Variants in TMEM165 observed in about 807,000 individuals in gnomAD.
The protein encoded by TMEM165 is transmembrane protein 165.
TMEM165 carries 19 observed loss-of-function variants against 30.0 expected under a neutral mutation model. The ratio of observed to expected loss-of-function variants is 0.63; its 90% CI spans 0.44 to 0.93. The LOEUF is 0.93. TMEM165 is among the 40% of genes least tolerant of loss of function. The probability of loss-of-function intolerance (pLI) is 0.00; values close to 1 mark genes in which losing one functional copy is unlikely to be tolerated. For missense variants in TMEM165, 340 were observed against 417.0 expected (o/e 0.82, Z 1.61); for synonymous variants, 168 against 162.9 (o/e 1.03, Z -0.24).
At chr4:55,403,309 C>T (rs2109527380) in intron 1 of TMEM165, 18 of 1,274,536 alleles carry the variant, frequency 1.4e-5, no homozygotes, top group Non-Finnish European at 1.7e-5. Flanking sequence ...TCTCTAGTTT[C>T]ATCATGTATA....
intron 1 of TMEM165, among the ~76,000 whole-genome samples, chr4:55,402,454 T>A (rs1182824424): frequency 2.0e-5 from 2 of 99,682 alleles, no homozygotes; most frequent in African/African-American, 4.6e-5. Flanking sequence ...TTTTTTTTTT[T>A]TTTTTTTTTT....
At chr4:55,406,498 C>T (rs1721273097) in intron 1 of TMEM165, among the ~76,000 whole-genome samples, 1 of 152,172 alleles carries the variant, frequency 6.6e-6, no homozygotes, top group Non-Finnish European at 1.5e-5. Flanking sequence ...TCCACATGTA[C>T]ACATACTTAG....
chr4:55,434,284 T>TA (rs1443337096), intron 3 of TMEM165: 3 of 152,676 alleles, frequency 2.0e-5, no homozygotes, highest in East Asian at 3.9e-4. Flanking sequence ...TGAAGGATAA[T>TA]AAAAAAGATT....
rs1355875887 is a variant in TMEM165, at chr4:55,417,861, C to T, written c.668C>T (p.Thr223Ile). ...PGDVETGTSI[T>I]VPQKKWLHFI... is the part of the protein sequence containing the mutation. ...GATGTTGAAACGGGTACAAGCATAA[C>T]AGTACCTCAGAAAAAGTGGTTGCAT... The change falls in exon 4 of 6, where the codon ACA becomes ATA. Residue 223 changes from threonine to isoleucine, a missense_variant. By Grantham distance (89) the Thr-to-Ile change is moderately conservative. Coordinates refer to ENST00000381334, the MANE Select transcript of TMEM165 (RefSeq NM_018475.5). 10 of 1,614,086 alleles carry T rather than the reference C, an allele frequency of 6.2e-6. No individual in the cohort carries two copies. Among genetic ancestry groups the T allele is most frequent in the Middle Eastern group, 1.6e-4 (1 of 6,062 alleles).
At chr4:55,426,415 G>A (rs947332894), downstream of TMEM165, among the ~76,000 whole-genome samples, 6 of 152,064 alleles carry the variant, frequency 3.9e-5, no homozygotes, top group East Asian at 7.7e-4. Flanking sequence ...CACACCAGGC[G>A]GTTTAATTCC....
At chr4:55,412,112 G>C in intron 2 of TMEM165, 1 of 463,296 alleles carries the variant, frequency 2.2e-6, no homozygotes, top group Non-Finnish European at 3.9e-6. Flanking sequence ...AAGACAGTTA[G>C]GGCTGGGCAC....
chr4:55,396,527 G>A lies in TMEM165; in HGVS notation c.207+131G>A, dbSNP rs555663963. ...GGGGAGCCCGGCCCCTGCTCCCGGG[G>A]TGGAGGGCGGTCGGCTGCGCTGTTT... On this transcript the variant is annotated intron_variant, in intron 1 of 5. Coordinates refer to ENST00000381334, the MANE Select transcript of TMEM165 (RefSeq NM_018475.5). 7.0e-3 allele frequency: 5,200 copies of A among 745,954 alleles called. 22 individuals are homozygous for A. Among genetic ancestry groups the A allele is most frequent in the Middle Eastern group, 0.01 (25 of 2,402 alleles). 46.2% of individuals were successfully genotyped at this position (745,954 alleles called of 1,614,324 possible).
At chr4:55,427,176 GGC>G (rs1174614083), downstream of TMEM165, among the ~76,000 whole-genome samples, 1 of 151,704 alleles carries the variant, frequency 6.6e-6, no homozygotes. Flanking sequence ...TGGGATTACA[GGC>G]GTGCACTACC....
At chr4:55,403,550 A>G (rs1476782586) in intron 1 of TMEM165, among the ~76,000 whole-genome samples, 1 of 131,170 alleles carries the variant, frequency 7.6e-6, no homozygotes, top group Non-Finnish European at 1.6e-5. Flanking sequence ...TTAACTAGAA[A>G]AGAGTTTTTA....
chr4:55,449,023 G>T (rs1451420472), intron 3 of TMEM165, among the ~76,000 whole-genome samples: 3 of 151,954 alleles, frequency 2.0e-5, no homozygotes, highest in Admixed American at 2.0e-4. Context: ...ATCTATATTG[G>T]AAAGGCCTGT....
Position 55,425,396 on chromosome 4 carries a change from G to GT in TMEM165, c.926dup (p.Leu309PhefsTer13). On this transcript the variant is annotated frameshift_variant, in exon 6 of 6. Coordinates refer to ENST00000381334, the MANE Select transcript of TMEM165 (RefSeq NM_018475.5). LOFTEE classifies it high-confidence loss of function. The stretch of plus-strand genomic sequence containing the variant: ...TCCAGTGACAATCATAGGAGGCATC[G>GT]TTTTTTTGGCGTTTGCATTTTCTGC... The GT allele has an allele frequency of 1.9e-6, 3 of 1,612,856 alleles. No individual in the cohort carries two copies. Among genetic ancestry groups the GT allele is most frequent in the Non-Finnish European group, 2.5e-6 (3 of 1,179,176 alleles).
chr4:55,438,665 A>G, intron 3 of TMEM165: 2 of 1,353,354 alleles, frequency 1.5e-6, no homozygotes, highest in South Asian at 1.3e-5. Context: ...CAAGGTCTGT[A>G]TATTCCTACT....
rs929655157 is a variant in TMEM165 at position 55,400,997 on chromosome 4, G to T, written c.207+4601G>T. 4.0e-5 allele frequency among the ~76,000 whole-genome samples: 6 copies of T among 150,606 alleles called. 1 individual carries two copies. Among genetic ancestry groups the T allele is most frequent in the African/African-American group, 1.5e-4 (6 of 39,942 alleles). ...TACATGCAGTAGATGTTTTAAGAGGGTAGGTAGGATATTTAAATTTAACCT... is the reference window on the plus strand; with the variant it reads ...TACATGCAGTAGATGTTTTAAGAGGTTAGGTAGGATATTTAAATTTAACCT... On this transcript the variant is annotated intron_variant, in intron 1 of 5. Coordinates refer to ENST00000381334, the MANE Select transcript of TMEM165 (RefSeq NM_018475.5).
rs772672954 is a variant in TMEM165 at position 55,450,135 on chromosome 4, C to T, written c.409-2104C>T. Reference sequence around the variant, plus strand: ...CGTGTGAGATGATTTTCTTGAACTCCGAGAAGAGGCAGAAGGGGTTGGGCT... The same window carrying T: ...CGTGTGAGATGATTTTCTTGAACTCTGAGAAGAGGCAGAAGGGGTTGGGCT... On this transcript the variant is annotated intron_variant, in intron 3 of 3. Transcript: ENST00000608091. 34 of 1,613,840 alleles carry T rather than the reference C, an allele frequency of 2.1e-5. No individual in the cohort carries two copies. In the East Asian group the frequency reaches 2.7e-4, roughly 13 times the overall value.
downstream of TMEM165, chr4:55,426,307 C>G (rs183356819): frequency 6.6e-6 from 1 of 152,038 alleles, no homozygotes; most frequent in African/African-American, 2.4e-5. Context: ...AGGCATTGTT[C>G]GAAAGCATTG....
intron 3 of TMEM165, chr4:55,444,857 AAAGT>A (rs1321603553): frequency 1.0e-5 from 15 of 1,476,960 alleles, no homozygotes; most frequent in Non-Finnish European, 1.4e-5. Context: ...CACAACATGA[AAAGT>A]AAGCAGTATA....
intron 1 of TMEM165, chr4:55,403,297 C>A: frequency 7.8e-6 from 10 of 1,277,700 alleles, no homozygotes; most frequent in Non-Finnish European, 9.1e-6. Flanking sequence ...GCATCTTCAT[C>A]TTCTCTAGTT....
chr4:55,420,106 A>AAAAAAAAAAAAAAT (rs1474254120), intron 4 of TMEM165, among the ~76,000 whole-genome samples: 2 of 45,456 alleles, frequency 4.4e-5, no homozygotes, highest in Non-Finnish European at 8.2e-5. Context: ...AAGAAAAAAA[A>AAAAAAAAAAAAAAT]ATATATATAT....
intron 1 of TMEM165, among the ~76,000 whole-genome samples, chr4:55,400,296 A>AATATTATATATAATATTATATATTATAT (rs1553884940): frequency 9.7e-6 from 1 of 103,566 alleles, no homozygotes; most frequent in Non-Finnish European, 1.8e-5. Flanking sequence ...TATTATATAT[A>AATATTATATATAATATTATATATTATAT]ATATTATATA....
Sources: gnomAD v4.1 joint callset for allele counts (sites outside exome capture counted in the v4.1 genomes callset) on GRCh38, gnomAD v4.1.1 for gene constraint, MANE v1.5 for transcripts, NCBI Gene and HGNC (gene_info 2026-07-23, HGNC 2026-07-21) for gene names.